Variants in NHERF2 observed in about 807,000 individuals in gnomAD.
The protein encoded by NHERF2 is Na(+)/H(+) exchange regulatory cofactor NHE-RF2.
chr16:2,036,131 A>G, the NHERF2 span: 1 of 552,920 alleles, frequency 1.8e-6, no homozygotes, highest in African/African-American at 1.9e-5. Flanking sequence ...GTTTGAAAAC[A>G]GGCTTTGCCC....
chr16:2,033,232 A>G, the NHERF2 span: 1 of 1,507,646 alleles, frequency 6.6e-7, no homozygotes, highest in South Asian at 1.2e-5. Flanking sequence ...GTCCCCACCC[A>G]TCCCCGGGGA....
chr16:2,035,804 C>A, the NHERF2 span: 1 of 516,038 alleles, frequency 1.9e-6, no homozygotes, highest in Non-Finnish European at 2.5e-6. Context: ...TTGCTGGGCC[C>A]ACGGGGGTGG....
the NHERF2 span, chr16:2,033,482 C>A: frequency 1.3e-6 from 2 of 1,492,860 alleles, no homozygotes; most frequent in South Asian, 1.2e-5. Context: ...GGCAGCCGCT[C>A]AGCCTCCCGG....
the NHERF2 span, among the ~76,000 whole-genome samples, chr16:2,030,947 A>C: frequency 6.6e-6 from 1 of 152,270 alleles, no homozygotes; most frequent in African/African-American, 2.4e-5. Flanking sequence ...TCAAAAAAAA[A>C]CAAAAAAAGG....
the NHERF2 span, among the ~76,000 whole-genome samples, chr16:2,030,356 C>T: frequency 6.6e-6 from 1 of 152,260 alleles, no homozygotes; most frequent in Admixed American, 6.5e-5. Flanking sequence ...GCCCACTCCT[C>T]CCCCTAGATA....
At chr16:2,029,170 C>G in the NHERF2 span, among the ~76,000 whole-genome samples, 1 of 152,232 alleles carries the variant, frequency 6.6e-6, no homozygotes, top group South Asian at 2.1e-4. Context: ...TGGACGGAGA[C>G]ACAGACTTTG....
At chr16:2,032,831 A>G in the NHERF2 span, 2 of 998,208 alleles carry the variant, frequency 2.0e-6, no homozygotes, top group Non-Finnish European at 2.4e-6. This position sits in a 1 kb window ranked among gnomAD's most constrained non-coding sequence, Gnocchi z 4.0. Context: ...CAGGCCCTGG[A>G]GGTGGTGGCA....
chr16:2,035,282 T>G, the NHERF2 span: 4 of 493,558 alleles, frequency 8.1e-6, no homozygotes, highest in Non-Finnish European at 7.9e-6. Flanking sequence ...TCTGGTCCAT[T>G]GGGGTTTGGA....
the NHERF2 span, among the ~76,000 whole-genome samples, chr16:2,031,623 C>T: frequency 4.6e-5 from 7 of 152,224 alleles, no homozygotes; most frequent in African/African-American, 1.7e-4. Flanking sequence ...CAAAGGGTGG[C>T]CTGAGTGGCA....
At chr16:2,036,619 C>A in the NHERF2 span, 1 of 1,537,168 alleles carries the variant, frequency 6.5e-7, no homozygotes, top group South Asian at 1.2e-5. Context: ...GCGCCTCCTG[C>A]TGCCTCGGTG....
chr16:2,028,720 G>T, the NHERF2 span, among the ~76,000 whole-genome samples: 9 of 152,140 alleles, frequency 5.9e-5, no homozygotes, highest in Non-Finnish European at 1.2e-4. Context: ...CCCGGCAGCT[G>T]GTGGGGAGCC....
chr16:2,033,358 CGCTCCGGGAGTGCCACGCCACCTGCCCGG>C, the NHERF2 span: 1 of 1,533,014 alleles, frequency 6.5e-7, no homozygotes. Context: ...TGTCATGGCA[CGCTCCGGGAGTGCCACGCCACCTGCCCGG>C]GCTCCGGGAG....
the NHERF2 span, chr16:2,032,754 G>T: frequency 1.1e-6 from 1 of 946,032 alleles, no homozygotes; most frequent in Non-Finnish European, 1.3e-6. The surrounding 1 kb of genome is among the most constrained non-coding windows in gnomAD (Gnocchi z 4.0). Flanking sequence ...CGCAGCTGCA[G>T]TGCAGCTGAT....
At chr16:2,037,450 C>CG in the NHERF2 span, 1 of 1,232,744 alleles carries the variant, frequency 8.1e-7, no homozygotes, top group Non-Finnish European at 1.2e-6. Context: ...GGAGCACACA[C>CG]TGGGGGGGGG....
At chr16:2,036,696 A>G in the NHERF2 span, 17 of 1,605,286 alleles carry the variant, frequency 1.1e-5, no homozygotes, top group South Asian at 1.3e-4. Flanking sequence ...GTCTGGGCCC[A>G]TGGCGGGGCT....
At chr16:2,026,926 C>T in the NHERF2 span, 65 of 494,724 alleles carry the variant, frequency 1.3e-4, no homozygotes, top group African/African-American at 1.1e-3. Context: ...GCTGAAGCCA[C>T]CGCCGGGTGC....
At chr16:2,037,700 C>T in the NHERF2 span, 2 of 1,557,254 alleles carry the variant, frequency 1.3e-6, no homozygotes, top group African/African-American at 1.4e-5. Flanking sequence ...GGTCTCTGTT[C>T]AGGAAGTCCT....
chr16:2,037,619 C>T, the NHERF2 span: 87 of 1,610,688 alleles, frequency 5.4e-5, 1 homozygote, highest in Middle Eastern at 8.2e-4. Context: ...GTTCTCCACT[C>T]CTGAGCTCAC....
the NHERF2 span, among the ~76,000 whole-genome samples, chr16:2,032,420 C>T: frequency 1.2e-4 from 19 of 152,228 alleles, no homozygotes; most frequent in Admixed American, 1.2e-3. The surrounding 1 kb of genome is among the most constrained non-coding windows in gnomAD (Gnocchi z 4.0). Flanking sequence ...CCTTCTCAGC[C>T]TGGGTTCAGG....
Sources: gnomAD v4.1 joint callset for allele counts (sites outside exome capture counted in the v4.1 genomes callset) on GRCh38, gnomAD v4.1.1 for gene constraint, Gnocchi (gnomAD v3.1) non-coding constraint, MANE v1.5 for transcripts, NCBI Gene and HGNC (gene_info 2026-07-23, HGNC 2026-07-21) for gene names.